Variants in SRD5A2 observed in about 807,000 individuals in gnomAD.
The protein encoded by SRD5A2 is 3-oxo-5-alpha-steroid 4-dehydrogenase 2.
In SRD5A2, 30 loss-of-function variants were observed where a neutral mutation model predicts 27.4. The observed-to-expected ratio is 1.10, with a 90% confidence interval of 0.82 to 1.49. The LOEUF (loss-of-function observed/expected upper bound fraction) is 1.49, where lower values mean the gene tolerates loss of function less well. Among genes scored for constraint, SRD5A2 ranks in the 40% most tolerant of loss-of-function variants. SRD5A2 has a pLI of 0.00. For synonymous variants in SRD5A2, 141 were observed against 133.6 expected (o/e 1.06, Z -0.38); for missense variants, 348 against 323.4 (o/e 1.08, Z -0.58).
the SRD5A2 span, among the ~76,000 whole-genome samples, chr2:31,588,660 G>A: frequency 6.6e-6 from 1 of 152,138 alleles, no homozygotes; most frequent in Non-Finnish European, 1.5e-5. Context: ...GGACATTAAT[G>A]AGCAGTAAGT....
At chr2:31,563,289 C>G (rs555308231) in intron 1 of SRD5A2, 1 of 151,844 alleles carries the variant, frequency 6.6e-6, no homozygotes, top group Non-Finnish European at 1.5e-5. Flanking sequence ...GCAGATTATC[C>G]AATTAGCAAA....
At chr2:31,558,394 G>A (rs945420785) in intron 1 of SRD5A2, among the ~76,000 whole-genome samples, 20 of 152,294 alleles carry the variant, frequency 1.3e-4, no homozygotes, top group African/African-American at 4.8e-4. Flanking sequence ...CTGGAAGTAT[G>A]AGATCAAGGG....
At position 31,533,744 on chromosome 2, in the gene SRD5A2, T is replaced by C. The variant is rs1477387133; in HGVS notation, c.304A>G (p.Asn102Asp). The change falls in exon 2 of 5, where the codon AAT (asparagine) becomes GAT (aspartate). Residue 102 changes from asparagine to aspartate, a missense_variant. Transcript: ENST00000622030. ...ATAGCTGGATAAGGCCTCCCTCGATTGAGCAGTGAGTACACAAATGTCCTG... is the reference window on the plus strand; with the variant it reads ...ATAGCTGGATAAGGCCTCCCTCGATCGAGCAGTGAGTACACAAATGTCCTG... ...FHRTFVYSLL[N>D]RGRPYPAILI... 1.1e-5 allele frequency: 18 copies of C among 1,603,724 alleles called. No individual in the cohort carries two copies. The highest frequency in any genetic ancestry group is 1.5e-5 in the Non-Finnish European group (18 of 1,175,170).
At chr2:31,561,835 A>C (rs1572648818) in intron 1 of SRD5A2, among the ~76,000 whole-genome samples, 1 of 152,304 alleles carries the variant, frequency 6.6e-6, no homozygotes, top group East Asian at 1.9e-4. Flanking sequence ...AAAATCAAAG[A>C]GAATCAGATC....
the SRD5A2 span, among the ~76,000 whole-genome samples, chr2:31,627,009 G>A: frequency 4.8e-3 from 730 of 152,134 alleles, 4 homozygotes; most frequent in African/African-American, 0.016. Flanking sequence ...TGGTTGGTAG[G>A]CTATTAATTG....
rs542795429 is a variant in SRD5A2, at chr2:31,569,194, C to G, written c.281+11426G>C. Among the ~76,000 whole-genome samples, 132 of 152,394 alleles carry G rather than the reference C, an allele frequency of 8.7e-4. 1 individual carries two copies. Among genetic ancestry groups the G allele is most frequent in the African/African-American group, 3.0e-3 (123 of 41,596 alleles). On this transcript the variant is annotated intron_variant, in intron 1 of 4. Transcript: ENST00000622030. ...AGCCCCAGCCATGCCTCTAACACTGCAGCCACTCCAGTCAGGCTGCTGCTA... is the reference window on the plus strand; with the variant it reads ...AGCCCCAGCCATGCCTCTAACACTGGAGCCACTCCAGTCAGGCTGCTGCTA...
chr2:31,647,403 C>A, the SRD5A2 span, among the ~76,000 whole-genome samples: 8 of 152,138 alleles, frequency 5.3e-5, no homozygotes, highest in Non-Finnish European at 1.2e-4. Flanking sequence ...ATCCATCTTT[C>A]CCTTTCTTAA....
the SRD5A2 span, among the ~76,000 whole-genome samples, chr2:31,617,848 C>T: frequency 6.6e-6 from 1 of 152,224 alleles, no homozygotes; most frequent in Admixed American, 6.5e-5. Context: ...CAAACTTTCC[C>T]ACATTTTCCT....
At chr2:31,560,312 G>A (rs1424466514) in intron 1 of SRD5A2, among the ~76,000 whole-genome samples, 2 of 152,114 alleles carry the variant, frequency 1.3e-5, no homozygotes, top group Non-Finnish European at 2.9e-5. Flanking sequence ...GATGGGGAGA[G>A]AGTTCTGACC....
At chr2:31,566,028 T>C (rs1002720320) in intron 1 of SRD5A2, among the ~76,000 whole-genome samples, 18 of 152,046 alleles carry the variant, frequency 1.2e-4, no homozygotes, top group Admixed American at 1.2e-3. Context: ...CTATCCACAG[T>C]GGAATTAAAT....
Position 31,525,044 on chromosome 2 carries a change from A to T in SRD5A2, c.*1152T>A. ...GATTTTTAAGTTTTTGAAACTTTGTAAAAAAAAAAAAAACTATATGTCTGA... is the reference window on the plus strand; with the variant it reads ...GATTTTTAAGTTTTTGAAACTTTGTTAAAAAAAAAAAAACTATATGTCTGA... On this transcript the variant is annotated 3_prime_UTR_variant, in exon 5 of 5. Coordinates refer to ENST00000622030, the MANE Select transcript of SRD5A2 (RefSeq NM_000348.4). 5.9e-6 allele frequency: 1 copy of T among 168,114 alleles called. No homozygotes were observed. Among genetic ancestry groups the T allele is most frequent in the Non-Finnish European group, 1.2e-5 (1 of 81,140 alleles). 10.4% of individuals were successfully genotyped at this position (168,114 alleles called of 1,614,324 possible). A position where few individuals can be genotyped will look rare whatever the true frequency, so the allele number is the denominator to read the frequency against.
the SRD5A2 span, among the ~76,000 whole-genome samples, chr2:31,596,158 C>A: frequency 6.6e-6 from 1 of 152,136 alleles, no homozygotes; most frequent in Non-Finnish European, 1.5e-5. Flanking sequence ...CGCCTGTAAT[C>A]TCAGCACTTT....
At position 31,580,894 on chromosome 2, in the gene SRD5A2, C is replaced by G. The variant is rs763681675; in HGVS notation, c.7G>C (p.Val3Leu). MQ[V>L]QCQQSPVLAG... ...AGCACTGGGCTCTGCTGGCACTGAA[C>G]CTGCATCGCGCCGTGTTCCTCGCCG... Residue 3 changes from valine to leucine, a missense_variant, in exon 1 of 5, where the codon GTT becomes CTT. Coordinates refer to ENST00000622030, the MANE Select transcript of SRD5A2 (RefSeq NM_000348.4). The G allele has an allele frequency of 3.1e-6, 5 of 1,600,206 alleles. No individual in the cohort carries two copies. The highest frequency in any genetic ancestry group is 4.3e-6 in the Non-Finnish European group (5 of 1,172,542).
At chr2:31,560,712 C>T (rs996586332) in intron 1 of SRD5A2, among the ~76,000 whole-genome samples, 3 of 152,144 alleles carry the variant, frequency 2.0e-5, no homozygotes, top group Admixed American at 1.3e-4. Flanking sequence ...TTTCCCTGTT[C>T]CTTTTATGCA....
the SRD5A2 span, among the ~76,000 whole-genome samples, chr2:31,655,300 C>T: frequency 3.3e-5 from 5 of 152,242 alleles, no homozygotes; most frequent in Middle Eastern, 3.4e-3. Context: ...GGGGTTTCAC[C>T]ATGTTGGCCA....
At chr2:31,606,052 G>A in the SRD5A2 span, among the ~76,000 whole-genome samples, 1 of 151,880 alleles carries the variant, frequency 6.6e-6, no homozygotes, top group African/African-American at 2.4e-5. Context: ...GACACAGAAA[G>A]ACATACATCA....
the SRD5A2 span, among the ~76,000 whole-genome samples, chr2:31,603,791 G>C: frequency 6.6e-6 from 1 of 152,040 alleles, no homozygotes; most frequent in South Asian, 2.1e-4. Context: ...ACTAACACAG[G>C]AACAGAAAAA....
upstream of SRD5A2, among the ~76,000 whole-genome samples, chr2:31,581,529 C>A (rs1461972952): frequency 6.6e-6 from 1 of 152,158 alleles, no homozygotes; most frequent in East Asian, 1.9e-4. Context: ...CCCCACCACA[C>A]GCCCCCGGCA....
At chr2:31,658,193 A>G in the SRD5A2 span, among the ~76,000 whole-genome samples, 2,497 of 152,272 alleles carry the variant, frequency 0.016, 58 homozygotes, top group African/African-American at 0.056. Flanking sequence ...ACAAAGAAAC[A>G]ACATATGAGA....
Sources: gnomAD v4.1 joint callset for allele counts (sites outside exome capture counted in the v4.1 genomes callset) on GRCh38, gnomAD v4.1.1 for gene constraint, MANE v1.5 for transcripts, NCBI Gene and HGNC (gene_info 2026-07-23, HGNC 2026-07-21) for gene names.